The following PLXNA4 variants were observed in gnomAD, a reference collection of about 807,000 sequenced individuals.
PLXNA4 encodes the protein plexin A4.
A neutral mutation model predicts 191.8 loss-of-function variants in PLXNA4; 44 were observed. The observed-to-expected ratio is 0.23, with a 90% confidence interval of 0.18 to 0.29. PLXNA4 has a LOEUF of 0.29. Among genes scored for constraint, PLXNA4 ranks in the 10% least tolerant of loss-of-function variants. The pLI, the probability that PLXNA4 is intolerant of heterozygous loss-of-function variation, is 1.00. For missense variants in PLXNA4, 1,800 were observed against 2,488.8 expected (o/e 0.72, Z 5.89); for synonymous variants, 1,082 against 1,009.5 (o/e 1.07, Z -1.36).
At chr7:132,489,785 AT>A (rs1797709415) in intron 2 of PLXNA4, among the ~76,000 whole-genome samples, 1 of 152,058 alleles carries the variant, frequency 6.6e-6, no homozygotes, top group Non-Finnish European at 1.5e-5. Flanking sequence ...CATTATTATC[AT>A]CATCATCCTC....
At chr7:132,271,753 AGGCTACCTTTTTAAAAGAGTAGCT>A (rs1052129184) in intron 4 of PLXNA4, among the ~76,000 whole-genome samples, 1 of 152,212 alleles carries the variant, frequency 6.6e-6, no homozygotes, top group Non-Finnish European at 1.5e-5. Flanking sequence ...AGGAGGTCAC[AGGCTACCTTTTTAAAAGAGTAGCT>A]TCATTGGAAA....
intron 5 of PLXNA4, among the ~76,000 whole-genome samples, chr7:132,235,846 T>TG (rs1798681876): frequency 6.6e-6 from 1 of 152,140 alleles, no homozygotes; most frequent in African/African-American, 2.4e-5. Flanking sequence ...AGGAGATAGC[T>TG]GTGATAGGGC....
At chr7:132,265,241 T>G (rs1384410597) in intron 4 of PLXNA4, among the ~76,000 whole-genome samples, 2 of 152,204 alleles carry the variant, frequency 1.3e-5, no homozygotes, top group Non-Finnish European at 2.9e-5. Flanking sequence ...CCTGCCTGAT[T>G]GTCCAGGTTT....
chr7:132,566,341 T>C (rs531951907), intron 1 of PLXNA4, among the ~76,000 whole-genome samples: 81 of 152,114 alleles, frequency 5.3e-4, no homozygotes, highest in Non-Finnish European at 1.0e-3. Flanking sequence ...CTATGTGAGA[T>C]GAATGCCAGG....
chr7:132,499,750 T>C (rs1029506445), intron 2 of PLXNA4, among the ~76,000 whole-genome samples: 92 of 152,184 alleles, frequency 6.0e-4, no homozygotes, highest in African/African-American at 2.1e-3. Flanking sequence ...CTCACGGCAA[T>C]GTATCTTCCT....
intron 3 of PLXNA4, among the ~76,000 whole-genome samples, chr7:132,396,433 C>A (rs1402959562): frequency 6.6e-6 from 1 of 152,194 alleles, no homozygotes; most frequent in Non-Finnish European, 1.5e-5. Context: ...GGTTAAGTAG[C>A]ATGTCCAAGG....
intron 1 of PLXNA4, among the ~76,000 whole-genome samples, chr7:132,562,816 TCTC>T (rs1563174795): frequency 1.4e-5 from 1 of 70,782 alleles, no homozygotes; most frequent in Non-Finnish European, 2.8e-5. Flanking sequence ...TCCTCCTCCT[TCTC>T]CTCCTCCTTC....
At chr7:132,473,577 A>G (rs976692698) in intron 3 of PLXNA4, among the ~76,000 whole-genome samples, 1 of 152,230 alleles carries the variant, frequency 6.6e-6, no homozygotes, top group East Asian at 1.9e-4. Flanking sequence ...AAACATAGGT[A>G]CTTACAGAAG....
At chr7:132,628,586 C>G (rs114993541) in intron 2 of PLXNA4, among the ~76,000 whole-genome samples, 1,842 of 152,030 alleles carry the variant, frequency 0.012, 49 homozygotes, top group African/African-American at 0.042. Context: ...CCTCTCTTCT[C>G]TTTTTCTAAA....
At chr7:132,291,424 C>T (rs1800886835) in intron 4 of PLXNA4, among the ~76,000 whole-genome samples, 1 of 152,230 alleles carries the variant, frequency 6.6e-6, no homozygotes, top group Admixed American at 6.5e-5. Flanking sequence ...CGCTGTCTCT[C>T]TGCCCAGAAT....
intron 3 of PLXNA4, among the ~76,000 whole-genome samples, chr7:132,396,522 C>T (rs1793769231): frequency 6.6e-6 from 1 of 152,090 alleles, no homozygotes; most frequent in Admixed American, 6.5e-5. Context: ...AGACAGTCAA[C>T]CCCTATCACC....
intron 2 of PLXNA4, among the ~76,000 whole-genome samples, chr7:132,633,800 C>T (rs767164797): frequency 2.6e-5 from 4 of 152,122 alleles, no homozygotes; most frequent in Non-Finnish European, 4.4e-5. Context: ...ATAGCCTGTC[C>T]GTCTTTCTCC....
intron 30 of PLXNA4, among the ~76,000 whole-genome samples, chr7:132,140,155 C>T (rs987181191): frequency 6.6e-6 from 1 of 152,222 alleles, no homozygotes. Context: ...AAAGGCATCC[C>T]CACTGAATGC....
intron 14 of PLXNA4, among the ~76,000 whole-genome samples, chr7:132,192,695 G>A (rs573026973): frequency 1.2e-4 from 18 of 152,274 alleles, no homozygotes; most frequent in Admixed American, 2.0e-4. Context: ...AGAATCATGA[G>A]GAAATTATAC....
rs1584851744 is a variant in PLXNA4, at chr7:132,211,723, C to T, written c.2098-580G>A. ...CCTCATAAATCCAGAAAGCTTCTGA[C>T]CAAGCTCTAGGATGTCCTGGCCCCA... On this transcript the variant is annotated intron_variant, in intron 9 of 31. Coordinates refer to ENST00000321063, the MANE Select transcript of PLXNA4 (RefSeq NM_020911.2). Among the ~76,000 whole-genome samples, 3 of 152,298 alleles carry T rather than the reference C, an allele frequency of 2.0e-5. 1 individual carries two copies. Among genetic ancestry groups the T allele is most frequent in the Admixed American group, 2.0e-4 (3 of 15,300 alleles).
At chr7:132,345,190 G>A (rs949554550) in intron 3 of PLXNA4, among the ~76,000 whole-genome samples, 36 of 152,054 alleles carry the variant, frequency 2.4e-4, no homozygotes, top group African/African-American at 8.5e-4. Flanking sequence ...AACACATTAC[G>A]GCTGGTTACT....
chr7:132,628,266 C>A (rs941269766), intron 2 of PLXNA4, among the ~76,000 whole-genome samples: 1 of 152,154 alleles, frequency 6.6e-6, no homozygotes, highest in Non-Finnish European at 1.5e-5. Flanking sequence ...CCATGGTCTT[C>A]CAACTTTTAA....
intron 3 of PLXNA4, among the ~76,000 whole-genome samples, chr7:132,429,166 A>G (rs932151340): frequency 5.9e-5 from 9 of 152,204 alleles, no homozygotes; most frequent in African/African-American, 2.2e-4. Context: ...GATGAGAAAG[A>G]CCAAGAGAGA....
At chr7:132,246,167 C>T (rs1799043424) in intron 4 of PLXNA4, among the ~76,000 whole-genome samples, 1 of 152,186 alleles carries the variant, frequency 6.6e-6, no homozygotes, top group South Asian at 2.1e-4. Flanking sequence ...GGCATGGCAG[C>T]ATGGATATGA....
Sources: gnomAD v4.1 joint callset for allele counts (sites outside exome capture counted in the v4.1 genomes callset) on GRCh38, gnomAD v4.1.1 for gene constraint, MANE v1.5 for transcripts, NCBI Gene and HGNC (gene_info 2026-07-23, HGNC 2026-07-21) for gene names.